Variants in STAT5B observed in about 807,000 individuals in gnomAD.
The protein encoded by STAT5B is transcription factor STAT5B.
A neutral mutation model predicts 107.8 loss-of-function variants in STAT5B; 21 were observed. That is an observed-to-expected ratio of 0.19 (90% CI 0.14 to 0.28). The LOEUF is 0.28. STAT5B is among the 10% of genes least tolerant of loss of function. The pLI is 1.00. For missense variants in STAT5B, 565 were observed against 1,008.2 expected, an observed-to-expected ratio of 0.56 and a Z score of 5.95; for synonymous variants, 325 against 401.7, an observed-to-expected ratio of 0.81 and a Z score of 2.28.
chr17:42,277,549 C>G (rs2144455260), upstream of STAT5B, among the ~76,000 whole-genome samples: 1 of 152,248 alleles, frequency 6.6e-6, no homozygotes, highest in South Asian at 2.1e-4. Flanking sequence ...TGCTGCAGTC[C>G]CATACTCTGG....
At chr17:42,206,894 T>G (rs1166958821) in intron 16 of STAT5B, among the ~76,000 whole-genome samples, 1 of 139,240 alleles carries the variant, frequency 7.2e-6, no homozygotes, top group Non-Finnish European at 1.6e-5. Context: ...TTTTTTTTTT[T>G]GAGACTGAGT....
intron 1 of STAT5B, among the ~76,000 whole-genome samples, chr17:42,243,722 GA>G (rs1384921850): frequency 1.3e-5 from 2 of 152,036 alleles, no homozygotes; most frequent in African/African-American, 2.4e-5. Flanking sequence ...TTCCAAAAAA[GA>G]AAAACAAAGC....
intron 1 of STAT5B, among the ~76,000 whole-genome samples, chr17:42,267,074 C>G (rs2080679364): frequency 6.6e-6 from 1 of 152,122 alleles, no homozygotes; most frequent in African/African-American, 2.4e-5. Context: ...TCTAGTGACG[C>G]TGTAGCCATC....
At chr17:42,265,377 C>CCTTTTTTTTTTTTTTTTTTT (rs1555553898) in intron 1 of STAT5B, among the ~76,000 whole-genome samples, 2 of 110,596 alleles carry the variant, frequency 1.8e-5, no homozygotes, top group African/African-American at 3.6e-5. Context: ...ATGTACTCTT[C>CCTTTTTTTTTTTTTTTTTTT]TTTTTTTTTT....
At chr17:42,285,098 CT>C in the STAT5B span, among the ~76,000 whole-genome samples, 8 of 137,350 alleles carry the variant, frequency 5.8e-5, no homozygotes, top group African/African-American at 1.6e-4. Context: ...TTTTTCTTTT[CT>C]TTTTTTTTGA....
intron 18 of STAT5B, 79 bp from the exon 19 acceptor site, chr17:42,201,943 G>T: frequency 7.3e-7 from 1 of 1,375,724 alleles, no homozygotes; most frequent in Non-Finnish European, 1.0e-6. Flanking sequence ...GCCACCAGGG[G>T]AGCAGTCTGA....
rs146678334 is a variant in STAT5B, at chr17:42,212,162, T to C, written c.1502A>G (p.Lys501Arg). The C allele has an allele frequency of 5.6e-6, 9 of 1,614,074 alleles. No homozygotes were observed. In the African/African-American group the frequency reaches 6.7e-5, roughly 12 times the overall value. ...CTCACACAGCTGTGGCCACAGCACT[T>C]TGTCAGGCACGGCAAATGGCACCCT... ...PGRVPFAVPD[K>R]VLWPQLCEAL... The change falls in exon 13 of 19, where the codon AAA becomes AGA. Residue 501 changes from lysine (K) to arginine (R), a missense_variant. This residue lies in a region of STAT5B where 127 missense variants were observed against 215.8 expected (regional missense o/e 0.59). Transcript: ENST00000293328.
intron 1 of STAT5B, among the ~76,000 whole-genome samples, chr17:42,249,061 C>G (rs1598327758): frequency 1.3e-5 from 2 of 152,266 alleles, no homozygotes; most frequent in East Asian, 3.9e-4. Flanking sequence ...TGGAACCATC[C>G]AGATTTTATA....
chr17:42,283,295 T>C, the STAT5B span, among the ~76,000 whole-genome samples: 218 of 152,324 alleles, frequency 1.4e-3, no homozygotes, highest in African/African-American at 5.1e-3. Context: ...TGCCTGGCTC[T>C]GTGTGCCCTC....
intron 1 of STAT5B, among the ~76,000 whole-genome samples, chr17:42,262,036 ATAAG>A (rs778588827): frequency 5.9e-5 from 9 of 152,180 alleles, no homozygotes; most frequent in Non-Finnish European, 1.0e-4. Flanking sequence ...TTTACATGAA[ATAAG>A]TAAGTCTACT....
In STAT5B at chr17:42,218,579, G is replaced by A. The variant is rs547198440; in HGVS notation, c.989+144C>T. The A allele has an allele frequency of 7.8e-6, 12 of 1,536,614 alleles. No individual in the cohort carries two copies. The East Asian group carries it at 1.2e-4, about 15-fold the overall frequency. The stretch of plus-strand genomic sequence containing the variant: ...TTGCAGTGTCCACAGGAGAAACTGG[G>A]CAAGGGCCACAGCAACTGGAGATGG... On this transcript the variant is annotated intron_variant, in intron 8 of 18. Transcript: ENST00000293328.
rs1598291310 is a variant in STAT5B, at chr17:42,201,512, A to G, written c.*226T>C. On this transcript the variant is annotated 3_prime_UTR_variant, in exon 19 of 19. Transcript: ENST00000293328. ...GACAGTGAGAGGGAGAAACACCATA[A>G]CGTGCAAACACGCACACACACACAC... The G allele has an allele frequency of 6.3e-6, 4 of 632,140 alleles. No homozygotes were observed. Among genetic ancestry groups the G allele is most frequent in the South Asian group, 3.5e-5 (2 of 56,512 alleles). The allele number at this position is 632,140 out of a possible 1,614,324, so 39.2% of individuals were successfully genotyped here. A position where few individuals can be genotyped will look rare whatever the true frequency, so the allele number is the denominator to read the frequency against.
At chr17:42,227,980 C>T (rs1034000933) in intron 2 of STAT5B, among the ~76,000 whole-genome samples, 13 of 151,958 alleles carry the variant, frequency 8.6e-5, no homozygotes, top group Admixed American at 3.9e-4. Flanking sequence ...CTATTTGCTC[C>T]GAGAAATGCA....
intron 1 of STAT5B, among the ~76,000 whole-genome samples, chr17:42,253,461 T>C (rs2080516614): frequency 6.6e-6 from 1 of 152,196 alleles, no homozygotes; most frequent in Admixed American, 6.5e-5. Flanking sequence ...AAGAATCTAT[T>C]TGTGACTAGT....
chr17:42,257,385 G>T (rs2080555496), intron 1 of STAT5B, among the ~76,000 whole-genome samples: 1 of 151,930 alleles, frequency 6.6e-6, no homozygotes, highest in African/African-American at 2.4e-5. Context: ...CAAACAGGGG[G>T]ATTACTGGCT....
Position 42,224,752 on chromosome 17 carries a change from C to T in STAT5B, c.375+27G>A, listed in dbSNP as rs760700715. ...TGGGTAAGAAAAGACTTCCCGACTG[C>T]CCTCCCCATCCCTATGGGACACTCA... On this transcript the variant is annotated intron_variant, in intron 4 of 18. Transcript: ENST00000293328. 6.2e-6 allele frequency: 10 copies of T among 1,611,534 alleles called. No homozygotes were observed. The Admixed American group carries it at 1.5e-4, about 24-fold the overall frequency.
chr17:42,245,186 T>C (rs1010793906), intron 1 of STAT5B, among the ~76,000 whole-genome samples: 2 of 151,014 alleles, frequency 1.3e-5, no homozygotes, highest in Non-Finnish European at 2.9e-5. Flanking sequence ...CAAGCGATTC[T>C]CCTGCCTCAG....
chr17:42,232,004 C>T lies in STAT5B; in HGVS notation c.124G>A (p.Ala42Thr). 1 of 1,613,870 alleles carries T rather than the reference C, an allele frequency of 6.2e-7. No individual in the cohort carries two copies. Among genetic ancestry groups the T allele is most frequent in the Non-Finnish European group, 8.5e-7 (1 of 1,179,860 alleles). Reference sequence around the variant, plus strand: ...CAAACATCCTTGTTCACCTACCATGCTTGGCTTTCAATCCACTGGGATAAA... The same window carrying T: ...CAAACATCCTTGTTCACCTACCATGTTTGGCTTTCAATCCACTGGGATAAA... ...HYLSQWIESQ[A>T]WDSVDLDNPQ... The change falls in exon 2 of 19, where the codon GCA (alanine) becomes ACA (threonine). Residue 42 changes from alanine to threonine, a missense_variant. This residue lies in a region of STAT5B where 83 missense variants were observed against 145.1 expected (regional missense o/e 0.57). Transcript: ENST00000293328.
chr17:42,268,540 A>C (rs1249724699), intron 1 of STAT5B: 2 of 152,182 alleles, frequency 1.3e-5, no homozygotes, highest in East Asian at 3.8e-4. Context: ...ATACAAAAAG[A>C]GGGACTATTT....
Sources: allele counts gnomAD v4.1 joint callset (sites outside exome capture counted in the v4.1 genomes callset), GRCh38; gene constraint gnomAD v4.1.1; regional missense constraint gnomAD v4.1.1; transcripts MANE v1.5; gene names NCBI Gene and HGNC (gene_info 2026-07-23, HGNC 2026-07-21).